Variants in NDUFAF5 observed in about 807,000 individuals in gnomAD.
NDUFAF5 encodes arginine-hydroxylase NDUFAF5, mitochondrial.
In NDUFAF5, 34 loss-of-function variants were observed where a neutral mutation model predicts 48.9. That is an observed-to-expected ratio of 0.70 (90% CI 0.53 to 0.93). The LOEUF is 0.93. Ranked by LOEUF, NDUFAF5 falls within the 40% of genes least tolerant of loss-of-function variation. The probability of loss-of-function intolerance (pLI) is 0.00; values close to 1 mark genes in which losing one functional copy is unlikely to be tolerated. For synonymous variants in NDUFAF5, 153 were observed against 150.6 expected (o/e 1.02, Z -0.12); for missense variants, 428 against 427.5 (o/e 1.00, Z -0.01).
chr20:13,787,543 A>G (rs1981400195), intron 2 of NDUFAF5, among the ~76,000 whole-genome samples, 191 bp downstream of exon 2: 1 of 152,198 alleles, frequency 6.6e-6, no homozygotes, highest in Non-Finnish European at 1.5e-5. Flanking sequence ...TGCCTGAAAA[A>G]AGAAAAGAAT....
intron 8 of NDUFAF5, among the ~76,000 whole-genome samples, chr20:13,810,953 C>T (rs1005787776): frequency 2.6e-5 from 4 of 152,084 alleles, no homozygotes; most frequent in Non-Finnish European, 5.9e-5. Context: ...TGAATGGAAC[C>T]GTTTGAAATA....
At chr20:13,788,476 A>G in intron 2 of NDUFAF5, 113 bp from the exon 3 acceptor site, 1 of 791,366 alleles carries the variant, frequency 1.3e-6, no homozygotes, top group Non-Finnish European at 2.2e-6. Flanking sequence ...AAGGCAGATG[A>G]TGTAACCTTC....
intron 1 of NDUFAF5, among the ~76,000 whole-genome samples, chr20:13,786,545 C>G (rs1458470786): frequency 1.3e-5 from 2 of 152,112 alleles, no homozygotes; most frequent in African/African-American, 4.8e-5. Context: ...GAATGACGTA[C>G]AAGGTGGACT....
intron 4 of NDUFAF5, among the ~76,000 whole-genome samples, chr20:13,794,527 C>A (rs1982864350): frequency 6.6e-6 from 1 of 152,202 alleles, no homozygotes; most frequent in African/African-American, 2.4e-5. Context: ...TGACTGCCCA[C>A]CTTGGCATCC....
At chr20:13,787,711 G>C (rs959221793) in intron 2 of NDUFAF5, among the ~76,000 whole-genome samples, 1 of 152,134 alleles carries the variant, frequency 6.6e-6, no homozygotes, top group Non-Finnish European at 1.5e-5. Flanking sequence ...TATTGCCTGT[G>C]TTCATCATCA....
chr20:13,803,277 G>A (rs1379516313), intron 7 of NDUFAF5: 2 of 152,198 alleles, frequency 1.3e-5, no homozygotes, highest in Non-Finnish European at 2.9e-5. Flanking sequence ...CCTGTGACTA[G>A]TGTTGATCTT....
chr20:13,801,896 T>C (rs1984216939), intron 7 of NDUFAF5: 1 of 505,168 alleles, frequency 2.0e-6, no homozygotes, highest in Admixed American at 3.6e-5. Flanking sequence ...AATTTTTTAC[T>C]GTTACCTTAA....
intron 7 of NDUFAF5, among the ~76,000 whole-genome samples, chr20:13,807,510 A>G (rs1177325643): frequency 6.6e-6 from 1 of 151,264 alleles, no homozygotes; most frequent in Non-Finnish European, 1.5e-5. Context: ...TTTTTTTTCC[A>G]GTCAATAACA....
chr20:13,811,337 A>G (rs939632501), intron 8 of NDUFAF5, among the ~76,000 whole-genome samples: 6 of 152,180 alleles, frequency 3.9e-5, no homozygotes, highest in African/African-American at 1.2e-4. Flanking sequence ...AGCAGTTACA[A>G]GTGATAATGG....
At position 13,817,194 on chromosome 20, in the gene NDUFAF5, G is replaced by C. The variant is rs1325584823; in HGVS notation, c.1022G>C (p.Gly341Ala). Residue 341 changes from glycine (G) to alanine (A), a missense_variant, in exon 11 of 11, where the codon GGG becomes GCG. Transcript: ENST00000378106. Reference protein sequence around the residue: ...LGKINNLMPPGKKSQ With the variant: ...LGKINNLMPPAKKSQ The stretch of plus-strand genomic sequence containing the variant: ...AAAATAAACAACCTTATGCCACCGG[G>C]GAAAAAATCACAATAAATATTTATT... 10 of 1,612,876 alleles carry C rather than the reference G, an allele frequency of 6.2e-6. No homozygotes were observed. The highest frequency in any genetic ancestry group is 2.2e-5 in the East Asian group (1 of 44,830).
intron 8 of NDUFAF5, among the ~76,000 whole-genome samples, chr20:13,809,554 T>C (rs1461041676): frequency 1.3e-5 from 2 of 152,158 alleles, no homozygotes; most frequent in East Asian, 1.9e-4. Flanking sequence ...AGGAGAGAGT[T>C]AAGTGATGAC....
intron 8 of NDUFAF5, among the ~76,000 whole-genome samples, chr20:13,810,078 G>A (rs191451816): frequency 2.0e-5 from 3 of 152,208 alleles, no homozygotes; most frequent in African/African-American, 7.2e-5. Context: ...ATGTGGGTAG[G>A]TAGCTCAGAG....
intron 7 of NDUFAF5, among the ~76,000 whole-genome samples, chr20:13,808,049 G>T (rs1470410136): frequency 1.3e-5 from 2 of 152,188 alleles, no homozygotes; most frequent in Non-Finnish European, 2.9e-5. Flanking sequence ...GCTGCGTGCT[G>T]GTGGGACAGC....
chr20:13,801,452 T>G, intron 6 of NDUFAF5, 34 bp from the exon 7 acceptor site: 4 of 1,375,680 alleles, frequency 2.9e-6, no homozygotes, highest in Non-Finnish European at 4.0e-6. Context: ...TATATAAAAA[T>G]TTGAATCATT....
At chr20:13,794,323 A>C (rs1466971279) in intron 4 of NDUFAF5, among the ~76,000 whole-genome samples, 1 of 151,046 alleles carries the variant, frequency 6.6e-6, no homozygotes, top group Admixed American at 6.6e-5. Flanking sequence ...ACTGTTGTCC[A>C]GGCTGGAGTG....
At chr20:13,785,710 T>C (rs899629395) in intron 1 of NDUFAF5, among the ~76,000 whole-genome samples, 4 of 152,150 alleles carry the variant, frequency 2.6e-5, no homozygotes, top group African/African-American at 7.2e-5. Flanking sequence ...ACTAGTCCAA[T>C]TGAGATGTGT....
chr20:13,806,358 A>G (rs1985002296), intron 7 of NDUFAF5, among the ~76,000 whole-genome samples: 1 of 152,154 alleles, frequency 6.6e-6, no homozygotes, highest in Non-Finnish European at 1.5e-5. Context: ...ATACAAAAAA[A>G]TTAGCTGGGC....
chr20:13,790,694 A>T (rs1394263912), intron 3 of NDUFAF5, among the ~76,000 whole-genome samples: 1 of 152,100 alleles, frequency 6.6e-6, no homozygotes, highest in African/African-American at 2.4e-5. Flanking sequence ...TTTTTTTATC[A>T]TGTCTCTGAT....
chr20:13,809,989 C>T (rs1319945429), intron 8 of NDUFAF5, among the ~76,000 whole-genome samples: 3 of 152,122 alleles, frequency 2.0e-5, no homozygotes, highest in Non-Finnish European at 4.4e-5. Flanking sequence ...AGGTACAGCC[C>T]TTGAGTTTAC....
Sources: gnomAD v4.1 joint callset for allele counts (sites outside exome capture counted in the v4.1 genomes callset) on GRCh38, gnomAD v4.1.1 for gene constraint, MANE v1.5 for transcripts, NCBI Gene and HGNC (gene_info 2026-07-23, HGNC 2026-07-21) for gene names.